The following AQR variants were observed in gnomAD, a reference collection of about 807,000 sequenced individuals.
AQR encodes the protein RNA helicase aquarius.
In AQR, 61 loss-of-function variants were observed where a neutral mutation model predicts 180.5. That is an observed-to-expected ratio of 0.34 (90% confidence interval 0.28 to 0.42). The LOEUF (loss-of-function observed/expected upper bound fraction) is 0.42. Ranked by LOEUF, AQR falls within the 10% of genes least tolerant of loss-of-function variation. The pLI, the probability that AQR is intolerant of heterozygous loss-of-function variation, is 1.00. For synonymous variants in AQR, 551 were observed against 588.8 expected, an observed-to-expected ratio of 0.94 and a Z score of 0.93; for missense variants, 1,281 against 1,798.3, an observed-to-expected ratio of 0.71 and a Z score of 5.20.
chr15:34,942,476 C>G (rs1391032231), intron 6 of AQR, among the ~76,000 whole-genome samples: 1 of 152,150 alleles, frequency 6.6e-6, no homozygotes, highest in East Asian at 1.9e-4. Context: ...CTATTGAGTA[C>G]TATTTTTTTT....
intron 32 of AQR, among the ~76,000 whole-genome samples, chr15:34,865,700 GC>G (rs1892730271): frequency 1.3e-5 from 2 of 152,142 alleles, no homozygotes; most frequent in Non-Finnish European, 2.9e-5. Context: ...ATGTGACATA[GC>G]CACACAATGG....
In AQR at chr15:34,882,645, G is replaced by A; in HGVS notation, c.3028-6C>T. On this transcript the variant is annotated splice_region_variant and splice_polypyrimidine_tract_variant and intron_variant, in intron 26 of 34. Coordinates refer to ENST00000156471, the MANE Select transcript of AQR (RefSeq NM_014691.3). ...AATTCAGAGGCTCTGAATTCCTATG[G>A]AAACGAGGAGCAATGAAAGATAATT... 6.3e-7 allele frequency: 1 copy of A among 1,592,032 alleles called. No homozygotes were observed. Among genetic ancestry groups the A allele is most frequent in the Non-Finnish European group, 8.5e-7 (1 of 1,170,532 alleles).
At chr15:34,946,971 G>A (rs542634399) in intron 5 of AQR, among the ~76,000 whole-genome samples, 3 of 152,174 alleles carry the variant, frequency 2.0e-5, no homozygotes, top group East Asian at 3.9e-4. Flanking sequence ...TGGGAAGTGA[G>A]GAGCCCCTCT....
At chr15:34,882,085 C>T (rs147026108) in intron 27 of AQR, among the ~76,000 whole-genome samples, 3 of 152,140 alleles carry the variant, frequency 2.0e-5, no homozygotes, top group Non-Finnish European at 4.4e-5. Flanking sequence ...GGATTACAGG[C>T]ATGAGCCACC....
intron 4 of AQR, among the ~76,000 whole-genome samples, chr15:34,951,400 G>T (rs190083410): frequency 6.6e-6 from 1 of 152,142 alleles, no homozygotes; most frequent in Admixed American, 6.5e-5. Context: ...TCAGCTGGGT[G>T]CGGTGGCTCA....
chr15:34,960,648 A>C (rs2050271129), intron 3 of AQR, 126 bp downstream of exon 3: 1 of 492,988 alleles, frequency 2.0e-6, no homozygotes, highest in Non-Finnish European at 3.6e-6. Context: ...TTTTCTAGTC[A>C]CCATTGCCCT....
At chr15:34,932,257 CAAAGA>C (rs1566992002) in intron 11 of AQR, 56 bp downstream of exon 11, 1 of 1,421,886 alleles carries the variant, frequency 7.0e-7, no homozygotes, top group East Asian at 2.3e-5. Context: ...AGTTGTGTGG[CAAAGA>C]AAAGATCAAT....
chr15:34,858,214 C>T lies in AQR; in HGVS notation c.4144-1108G>A, dbSNP rs571583847. Among the ~76,000 whole-genome samples the T allele has an allele frequency of 3.3e-5, 5 of 151,338 alleles. No individual in the cohort carries two copies. The South Asian group carries it at 8.3e-4, about 25-fold the overall frequency. ...GGCCAGGCTGGTCTCGAACTCCTGACCGCAGGTGATCCACCTACCTCAGCC... is the reference window on the plus strand; with the variant it reads ...GGCCAGGCTGGTCTCGAACTCCTGATCGCAGGTGATCCACCTACCTCAGCC... On this transcript the variant is annotated intron_variant, in intron 34 of 34. Transcript: ENST00000156471.
rs568476867 is a variant in AQR, at chr15:34,895,456, A to G, written c.2460+1441T>C. Among the ~76,000 whole-genome samples the G allele has an allele frequency of 5.9e-4, 89 of 151,918 alleles. 1 individual carries two copies. The highest frequency in any genetic ancestry group is 4.4e-3 in the South Asian group (21 of 4,794). On this transcript the variant is annotated intron_variant, in intron 22 of 34. Transcript: ENST00000156471. ...AACATACCTAAAGTATATGCTGTTT[A>G]TAAGAAACTCACCTCAAATATAACG...
In AQR at chr15:34,940,912, C is replaced by T. The variant is rs761606148; in HGVS notation, c.628G>A (p.Glu210Lys). The T allele has an allele frequency of 2.1e-5, 33 of 1,606,996 alleles. No individual in the cohort carries two copies. In the South Asian group the frequency reaches 3.5e-4, roughly 17 times the overall value. ...CTGCCAACATACTGTTCTCTTGCTT[C>T]TGGATCCATCTTTTCATCATTCTTT... ...IKKNDEKMDPEAREQAYQERR... is the reference protein window; with the variant it reads ...IKKNDEKMDPKAREQAYQERR... The change falls in exon 8 of 35, where the codon GAA becomes AAA. Residue 210 changes from glutamate to lysine, a missense_variant. By Grantham distance (56) the Glu-to-Lys change is moderately conservative. Coordinates refer to ENST00000156471, the MANE Select transcript of AQR (RefSeq NM_014691.3).
chr15:34,921,303 G>A (rs914097948), intron 13 of AQR, among the ~76,000 whole-genome samples: 19 of 151,660 alleles, frequency 1.3e-4, no homozygotes, highest in African/African-American at 4.6e-4. Context: ...GCGTGGTGGT[G>A]AGCGCCTGTA....
intron 4 of AQR, among the ~76,000 whole-genome samples, chr15:34,952,436 A>T (rs1894248432): frequency 6.6e-6 from 1 of 152,240 alleles, no homozygotes; most frequent in Non-Finnish European, 1.5e-5. Flanking sequence ...TACTGGCTAC[A>T]TCTGGTTGCA....
At chr15:34,945,525 G>C (rs952882680) in intron 5 of AQR, among the ~76,000 whole-genome samples, 2 of 152,064 alleles carry the variant, frequency 1.3e-5, no homozygotes, top group African/African-American at 4.8e-5. Flanking sequence ...CTTTATAACA[G>C]GTAAACTGAC....
rs1892870739 is a variant in AQR at position 34,874,936 on chromosome 15, C to T, written c.3238-72G>A. 2.1e-6 allele frequency: 3 copies of T among 1,397,850 alleles called. No homozygotes were observed. The African/African-American group carries it at 4.4e-5, about 20-fold the overall frequency. The allele number at this position is 1,397,850 out of a possible 1,614,324, so 86.6% of individuals were successfully genotyped here. On this transcript the variant is annotated intron_variant, in intron 28 of 34. Coordinates refer to ENST00000156471, the MANE Select transcript of AQR (RefSeq NM_014691.3). ...TGTCTCCAATTTATTACCCGAGAGA[C>T]TCAGTCTTCATCAAACAGCTTCCTT...
At chr15:34,863,160 GC>G in intron 32 of AQR, 119 bp from the exon 33 acceptor site, 1 of 963,020 alleles carries the variant, frequency 1.0e-6, no homozygotes, top group Non-Finnish European at 1.5e-6. Context: ...AAAAAGTTAA[GC>G]TTCTTAAAAA....
chr15:34,950,791 A>G (rs531862093), intron 4 of AQR, among the ~76,000 whole-genome samples: 1 of 152,292 alleles, frequency 6.6e-6, no homozygotes, highest in Admixed American at 6.5e-5. Context: ...CACCTTTACC[A>G]AGGTTTTATT....
chr15:34,865,261 G>C (rs1191289911), intron 32 of AQR, among the ~76,000 whole-genome samples: 1 of 152,170 alleles, frequency 6.6e-6, no homozygotes, highest in Non-Finnish European at 1.5e-5. Context: ...GCTCAGAACA[G>C]GTTACGTGCA....
At chr15:34,943,245 T>A (rs1894054580) in intron 6 of AQR, 1 of 1,609,352 alleles carries the variant, frequency 6.2e-7, no homozygotes, top group Non-Finnish European at 8.5e-7. Context: ...TAAGCCAATT[T>A]TCTGGAAAAA....
chr15:34,878,363 G>T (rs945262394), intron 27 of AQR, among the ~76,000 whole-genome samples: 18 of 93,060 alleles, frequency 1.9e-4, no homozygotes, highest in African/African-American at 7.4e-4. Context: ...TCCAGCCTGG[G>T]AAAAAGAATG....
Sources: gnomAD v4.1 joint callset for allele counts (sites outside exome capture counted in the v4.1 genomes callset) on GRCh38, gnomAD v4.1.1 for gene constraint, MANE v1.5 for transcripts, NCBI Gene and HGNC (gene_info 2026-07-23, HGNC 2026-07-21) for gene names.